The following SIL1 variants were observed in gnomAD, a reference collection of about 807,000 sequenced individuals.
The protein encoded by SIL1 is SIL1 nucleotide exchange factor.
In SIL1, 40 loss-of-function variants were observed where a neutral mutation model predicts 49.1. That is an observed-to-expected ratio of 0.81 (90% CI 0.63 to 1.06). The LOEUF (loss-of-function observed/expected upper bound fraction) is 1.06, where lower values mean the gene tolerates loss of function less well. Among genes scored for constraint, SIL1 ranks in the 50% least tolerant of loss-of-function variants. The pLI is 0.00. For missense variants in SIL1, 500 were observed against 572.6 expected (o/e 0.87, Z 1.29); for synonymous variants, 253 against 250.8 (o/e 1.01, Z -0.08).
At position 139,125,229 on chromosome 5, in the gene SIL1, C is replaced by A. The variant is rs191398781; in HGVS notation, c.105+2510G>T. On this transcript the variant is annotated intron_variant, in intron 2 of 9. Coordinates refer to ENST00000394817, the MANE Select transcript of SIL1 (RefSeq NM_022464.5). The stretch of plus-strand genomic sequence containing the variant: ...CGTGCTCTGGTGCCTTCCCAGCTGG[C>A]TTCTCAGGGCTGCCTTCCACGCTGG... Among the ~76,000 whole-genome samples, 6 of 152,340 alleles carry A rather than the reference C, an allele frequency of 3.9e-5. No homozygotes were observed. In the East Asian group the frequency reaches 1.2e-3, roughly 29 times the overall value.
At chr5:139,138,297 G>T (rs1199626909) in intron 1 of SIL1, among the ~76,000 whole-genome samples, 1 of 152,172 alleles carries the variant, frequency 6.6e-6, no homozygotes, top group Non-Finnish European at 1.5e-5. Context: ...AGTCTTCTTT[G>T]GTGAATGGGG....
At chr5:139,035,525 T>C (rs1418480401) in intron 5 of SIL1, 5 of 527,126 alleles carry the variant, frequency 9.5e-6, no homozygotes, top group South Asian at 5.7e-5. Flanking sequence ...CACCAACCTT[T>C]TTCGGAGACA....
At chr5:139,187,498 A>G (rs1752096015) in intron 1 of SIL1, among the ~76,000 whole-genome samples, 1 of 150,080 alleles carries the variant, frequency 6.7e-6, no homozygotes, top group Admixed American at 6.7e-5. Context: ...GCCTGGGGCA[A>G]CAGAGCAAGA....
In SIL1 at chr5:138,948,450, C is replaced by G. The variant is rs1312455494; in HGVS notation, c.1030-977G>C. On this transcript the variant is annotated intron_variant, in intron 9 of 9. Transcript: ENST00000394817. This position sits in a 1 kb window ranked among gnomAD's most constrained non-coding sequence, Gnocchi z 4.8. ...CTGCTCTCACCCTCTCCTCCAGCCCCCAAACCCTCACAGCCTGGCATTGCG... is the reference window on the plus strand; with the variant it reads ...CTGCTCTCACCCTCTCCTCCAGCCCGCAAACCCTCACAGCCTGGCATTGCG... Among the ~76,000 whole-genome samples, 1 of 152,190 alleles carries G rather than the reference C, an allele frequency of 6.6e-6. No homozygotes were observed. The highest frequency in any genetic ancestry group is 2.4e-5 in the African/African-American group (1 of 41,444).
chr5:138,984,061 A>G (rs1561815432), intron 7 of SIL1, among the ~76,000 whole-genome samples: 1 of 152,154 alleles, frequency 6.6e-6, no homozygotes, highest in Non-Finnish European at 1.5e-5. Context: ...TCCAATCAAG[A>G]TCTGAAAAAT....
intron 3 of SIL1, among the ~76,000 whole-genome samples, chr5:139,099,686 ACAT>A (rs1770544688): frequency 6.6e-6 from 1 of 152,210 alleles, no homozygotes; most frequent in Non-Finnish European, 1.5e-5. Context: ...AGAAAGACAA[ACAT>A]CATATGTTCT....
At chr5:138,979,209 A>C (rs958674531) in intron 7 of SIL1, among the ~76,000 whole-genome samples, 23 of 151,574 alleles carry the variant, frequency 1.5e-4, no homozygotes, top group African/African-American at 5.6e-4. Flanking sequence ...GGATAACAGG[A>C]GTGCACCACC....
At chr5:139,010,983 G>A (rs1408123484) in intron 7 of SIL1, among the ~76,000 whole-genome samples, 4 of 148,232 alleles carry the variant, frequency 2.7e-5, no homozygotes, top group East Asian at 2.0e-4. Context: ...AGCTGTGGTG[G>A]GCTCCACCCA....
intron 7 of SIL1, among the ~76,000 whole-genome samples, chr5:139,011,366 AC>A (rs1768267550): frequency 6.6e-6 from 1 of 151,850 alleles, no homozygotes; most frequent in South Asian, 2.1e-4. Flanking sequence ...ACTGTCTGGC[AC>A]TCCCTAGTGA....
intron 3 of SIL1, among the ~76,000 whole-genome samples, chr5:139,072,253 AC>A (rs1032887600): frequency 1.3e-5 from 2 of 152,246 alleles, no homozygotes; most frequent in African/African-American, 4.8e-5. Context: ...ACATATTAAT[AC>A]ATTCTAAAAT....
intron 3 of SIL1, among the ~76,000 whole-genome samples, chr5:139,060,523 A>ATTT (rs78155592): frequency 7.1e-6 from 1 of 140,880 alleles, no homozygotes. Flanking sequence ...TAGTCCTCCA[A>ATTT]TTTTTTTTTT....
intron 2 of SIL1, among the ~76,000 whole-genome samples, chr5:139,126,346 T>G (rs1301448000): frequency 6.6e-6 from 1 of 152,206 alleles, no homozygotes; most frequent in East Asian, 1.9e-4. Context: ...ATCTATTTGG[T>G]TGGACTATTA....
intron 2 of SIL1, among the ~76,000 whole-genome samples, chr5:139,125,802 G>T (rs964676242): frequency 6.6e-6 from 1 of 152,142 alleles, no homozygotes; most frequent in Admixed American, 6.6e-5. Context: ...CCGCCTCATT[G>T]TTTACCACCT....
chr5:139,191,221 C>CA (rs773259762), intron 1 of SIL1, among the ~76,000 whole-genome samples: 2,068 of 67,106 alleles, frequency 0.031, 55 homozygotes, highest in East Asian at 0.072. Context: ...GACTCTGTCT[C>CA]AAAAAAAAAA....
chr5:139,003,863 G>A (rs1018827101), intron 7 of SIL1, among the ~76,000 whole-genome samples: 3 of 152,132 alleles, frequency 2.0e-5, no homozygotes, highest in Non-Finnish European at 2.9e-5. Context: ...ACCTCAGCCC[G>A]TGAACAGGAC....
intron 1 of SIL1, among the ~76,000 whole-genome samples, chr5:139,162,052 G>GT (rs1751524380): frequency 6.6e-6 from 1 of 151,640 alleles, no homozygotes; most frequent in South Asian, 2.1e-4. Flanking sequence ...GCCTTACCAG[G>GT]TGGGCACACC....
intron 5 of SIL1, among the ~76,000 whole-genome samples, chr5:139,037,177 T>C (rs1768936249): frequency 1.3e-5 from 2 of 150,932 alleles, no homozygotes; most frequent in African/African-American, 5.0e-5. Flanking sequence ...CTGGCCTCTA[T>C]GGTTTCAGAT....
intron 3 of SIL1, among the ~76,000 whole-genome samples, chr5:139,064,670 G>C (rs1769663465): frequency 6.6e-6 from 1 of 152,202 alleles, no homozygotes; most frequent in South Asian, 2.1e-4. Context: ...TTCTTCACTT[G>C]TATTGCTGGT....
At chr5:138,972,555 G>A (rs1049736874) in intron 7 of SIL1, among the ~76,000 whole-genome samples, 1 of 152,152 alleles carries the variant, frequency 6.6e-6, no homozygotes, top group Admixed American at 6.5e-5. Context: ...AGACAAGAAA[G>A]CTCCTCCTTC....
Sources: gnomAD v4.1 joint callset for allele counts (sites outside exome capture counted in the v4.1 genomes callset) on GRCh38, gnomAD v4.1.1 for gene constraint, Gnocchi (gnomAD v3.1) non-coding constraint, MANE v1.5 for transcripts, NCBI Gene and HGNC (gene_info 2026-07-23, HGNC 2026-07-21) for gene names.